PTPRN: variants seen among roughly 807,000 people sequenced by gnomAD.
The protein encoded by PTPRN is protein tyrosine phosphatase receptor type N, also known as receptor-type tyrosine-protein phosphatase-like N.
Under a neutral mutation model 108.5 loss-of-function variants are expected in PTPRN, and 70 were observed. The observed-to-expected ratio is 0.65, with a 90% CI of 0.53 to 0.79. The LOEUF (loss-of-function observed/expected upper bound fraction) is 0.79. Ranked by LOEUF, PTPRN falls within the 30% of genes least tolerant of loss-of-function variation. The pLI, the probability that PTPRN is intolerant of heterozygous loss-of-function variation, is 0.00. For missense variants in PTPRN, 1,136 were observed against 1,295.5 expected, an observed-to-expected ratio of 0.88 and a Z score of 1.89; for synonymous variants, 496 against 524.6, an observed-to-expected ratio of 0.95 and a Z score of 0.75.
At chr2:219,298,585 CTGTAA>C (rs1335210379) in intron 12 of PTPRN, among the ~76,000 whole-genome samples, 1 of 152,172 alleles carries the variant, frequency 6.6e-6, no homozygotes, top group Non-Finnish European at 1.5e-5. Context: ...TGGCAGGCAC[CTGTAA>C]TCCCAGCTAC....
chr2:219,300,208 T>G lies in PTPRN; in HGVS notation c.1213A>C (p.Thr405Pro). 6.2e-7 allele frequency: 1 copy of G among 1,604,904 alleles called. No homozygotes were observed. The highest frequency in any genetic ancestry group is 8.5e-7 in the Non-Finnish European group (1 of 1,174,798). ...GRDTAELPAR[T>P]SPMPGHPTAS... is the part of the protein sequence containing the mutation. ...GTGGGGTGTCCAGGCATGGGGGATG[T>G]GCGGGCTGGAAGCTCTGCTGTGTCT... Residue 405 changes from threonine (T) to proline (P), a missense_variant, in exon 9 of 23, where the codon ACA (threonine) becomes CCA (proline). Coordinates refer to ENST00000295718, the MANE Select transcript of PTPRN (RefSeq NM_002846.4).
In PTPRN at chr2:219,296,476, TGCGTGGCTATGTAGGCTG is replaced by T; in HGVS notation, c.2333_2350del (p.Pro778_Thr783del). 1 of 1,614,168 alleles carries T rather than the reference TGCGTGGCTATGTAGGCTG, an allele frequency of 6.2e-7. No homozygotes were observed. The highest frequency in any genetic ancestry group is 8.5e-7 in the Non-Finnish European group (1 of 1,180,022). ...TGCGATGGTATGGGACAGCGGGCCC[TGCGTGGCTATGTAGGCTG>T]GCATCCGAGGGTCATGCTCAATCTG... On this transcript the variant is annotated inframe_deletion, in exon 17 of 23. Transcript: ENST00000295718. This position sits in a 1 kb window ranked among gnomAD's most constrained non-coding sequence, Gnocchi z 6.0.
At chr2:219,294,913 G>T (rs1050908434) in intron 19 of PTPRN, 62 bp downstream of exon 19, 1 of 1,370,748 alleles carries the variant, frequency 7.3e-7, no homozygotes. Context: ...GCCGAGCGGC[G>T]GGCGGACCCC....
At position 219,291,453 on chromosome 2, in the gene PTPRN, A is replaced by C. The variant is rs1209557971; in HGVS notation, c.2729+17T>G. On this transcript the variant is annotated intron_variant, in intron 20 of 22. Coordinates refer to ENST00000295718, the MANE Select transcript of PTPRN (RefSeq NM_002846.4). ...ACAGGGAGTGGGACCAGAGAGATGA[A>C]TCTCCTCTCCACCCACCTGCAGTGC... 6.2e-7 allele frequency: 1 copy of C among 1,612,342 alleles called. No individual in the cohort carries two copies. Among genetic ancestry groups the C allele is most frequent in the South Asian group, 1.1e-5 (1 of 91,050 alleles).
Position 219,297,193 on chromosome 2 carries a change from C to A in PTPRN, c.2088+40G>T. 1 of 1,610,896 alleles carries A rather than the reference C, an allele frequency of 6.2e-7. No individual in the cohort carries two copies. Among genetic ancestry groups the A allele is most frequent in the Non-Finnish European group, 8.5e-7 (1 of 1,177,850 alleles). On this transcript the variant is annotated intron_variant, in intron 14 of 22. Coordinates refer to ENST00000295718, the MANE Select transcript of PTPRN (RefSeq NM_002846.4). This position sits in a 1 kb window ranked among gnomAD's most constrained non-coding sequence, Gnocchi z 6.0. ...AGCCAGCCTGGCCTCTCTCACCATC[C>A]CATTCCTTCACCCACTCTGGGCCCA...
Position 219,290,477 on chromosome 2 carries a change from G to T in PTPRN, c.2868+61C>A. On this transcript the variant is annotated intron_variant, in intron 22 of 22. Transcript: ENST00000295718. The surrounding 1 kb of genome is among the most constrained non-coding windows in gnomAD (Gnocchi z 4.2). ...GGCAGCTGCTGCTTTCCCTGGGGTG[G>T]CCAAGAAGTGGGTGCTAGGGAAGGG... 1.3e-6 allele frequency: 2 copies of T among 1,489,436 alleles called. No individual in the cohort carries two copies. The highest frequency in any genetic ancestry group is 1.8e-6 in the Non-Finnish European group (2 of 1,092,432). 92.3% of individuals were successfully genotyped at this position (1,489,436 alleles called of 1,614,324 possible).
In PTPRN at chr2:219,307,567, C is replaced by T. The variant is rs1057045503; in HGVS notation, c.167-10G>A. The T allele has an allele frequency of 1.2e-6, 2 of 1,612,220 alleles. No individual in the cohort carries two copies. The highest frequency in any genetic ancestry group is 2.7e-5 in the African/African-American group (2 of 74,878). ...TGCCCAAACAAGCCATCTAAGGGCA[C>T]AAAAGTGGTGTCAGCAGGGGGCTTG... On this transcript the variant is annotated splice_polypyrimidine_tract_variant and intron_variant, in intron 2 of 22. Transcript: ENST00000295718.
intron 19 of PTPRN, among the ~76,000 whole-genome samples, chr2:219,294,366 C>G (rs1413065098): frequency 6.8e-6 from 1 of 147,706 alleles, no homozygotes; most frequent in East Asian, 2.0e-4. Context: ...AAGAGAAGCG[C>G]GGAGAGGGAG....
intron 8 of PTPRN, chr2:219,300,498 G>A (rs1316776685): frequency 2.0e-6 from 1 of 497,950 alleles, no homozygotes; most frequent in Non-Finnish European, 3.5e-6. Context: ...AATGGGGCTG[G>A]AGACAGAAAA....
chr2:219,301,830 A>T (rs1952355555), intron 6 of PTPRN, 111 bp from the exon 7 acceptor site: 2 of 1,300,746 alleles, frequency 1.5e-6, no homozygotes, highest in Non-Finnish European at 2.1e-6. Context: ...GTCTTCCCAG[A>T]CACCAGGACA....
intron 3 of PTPRN, chr2:219,304,109 TA>T (rs1307391444): frequency 1.1e-5 from 3 of 281,294 alleles, no homozygotes; most frequent in African/African-American, 6.7e-5. Context: ...CCCTCATCAA[TA>T]AAATGGGGAT....
Position 219,297,797 on chromosome 2 carries a change from A to T in PTPRN, c.1887+88T>A. Reference sequence around the variant, plus strand: ...TCCCAGGGATGAGGGCTCACTCCCCATTCAGTTCCGACCCTTAGTCCACGC... The same window carrying T: ...TCCCAGGGATGAGGGCTCACTCCCCTTTCAGTTCCGACCCTTAGTCCACGC... On this transcript the variant is annotated intron_variant, in intron 13 of 22. Coordinates refer to ENST00000295718, the MANE Select transcript of PTPRN (RefSeq NM_002846.4). This position sits in a 1 kb window ranked among gnomAD's most constrained non-coding sequence, Gnocchi z 6.0. 1 of 1,430,328 alleles carries T rather than the reference A, an allele frequency of 7.0e-7. No homozygotes were observed. The highest frequency in any genetic ancestry group is 9.5e-7 in the Non-Finnish European group (1 of 1,056,368). 88.6% of individuals were successfully genotyped at this position (1,430,328 alleles called of 1,614,324 possible).
intron 10 of PTPRN, 43 bp from the exon 11 acceptor site, chr2:219,299,427 C>T (rs779371260): frequency 2.8e-5 from 44 of 1,593,160 alleles, no homozygotes; most frequent in Admixed American, 1.3e-4. Flanking sequence ...CACCCCAGAC[C>T]GCAGACTTCA....
rs555026763 is a variant in PTPRN at position 219,299,790 on chromosome 2, G to A, written c.1437-4C>T. On this transcript the variant is annotated splice_polypyrimidine_tract_variant and splice_region_variant and intron_variant, in intron 9 of 22. Coordinates refer to ENST00000295718, the MANE Select transcript of PTPRN (RefSeq NM_002846.4). ...TCCTGCAGCCAGGCTCAGGGGCCTG[G>A]AGATGGGAGAAGGCAGAGGAAGGAA... 18 of 1,604,944 alleles carry A rather than the reference G, an allele frequency of 1.1e-5. No homozygotes were observed. In the African/African-American group the frequency reaches 1.2e-4, roughly 11 times the overall value.
chr2:219,304,491 C>CAA (rs983823983), intron 3 of PTPRN, among the ~76,000 whole-genome samples: 1 of 152,016 alleles, frequency 6.6e-6, no homozygotes, highest in Non-Finnish European at 1.5e-5. Context: ...CTCTTTCCCC[C>CAA]AAAAAAACTC....
At position 219,290,205 on chromosome 2, in the gene PTPRN, C is replaced by A. The variant is rs780687382; in HGVS notation, c.*21G>T. The A allele has an allele frequency of 6.2e-7, 1 of 1,609,600 alleles. No individual in the cohort carries two copies. The highest frequency in any genetic ancestry group is 1.1e-5 in the South Asian group (1 of 90,978). ...CAAAGAGGGACAGAGGCTGGGCTGC[C>A]CGCCAAGGGGCCCCAGGGTCTCACT... On this transcript the variant is annotated 3_prime_UTR_variant, in exon 23 of 23. Coordinates refer to ENST00000295718, the MANE Select transcript of PTPRN (RefSeq NM_002846.4). The surrounding 1 kb of genome is among the most constrained non-coding windows in gnomAD (Gnocchi z 4.2).
intron 1 of PTPRN, among the ~76,000 whole-genome samples, chr2:219,308,636 G>C (rs1952544946): frequency 6.6e-6 from 1 of 151,236 alleles, no homozygotes; most frequent in African/African-American, 2.4e-5. Context: ...AGGCCTGGCT[G>C]TGGGGAGGGG....
At chr2:219,305,784 G>A (rs1324906768) in intron 3 of PTPRN, among the ~76,000 whole-genome samples, 1 of 152,132 alleles carries the variant, frequency 6.6e-6, no homozygotes, top group Non-Finnish European at 1.5e-5. Context: ...CCCCCACCAA[G>A]TTGAACCATT....
Position 219,290,031 on chromosome 2 carries a change from T to C in PTPRN, c.*195A>G, listed in dbSNP as rs1952017424. The C allele has an allele frequency of 1.7e-6, 1 of 604,682 alleles. No individual in the cohort carries two copies. Among genetic ancestry groups the C allele is most frequent in the East Asian group, 2.8e-5 (1 of 35,516 alleles). 37.5% of individuals were successfully genotyped at this position (604,682 alleles called of 1,614,324 possible). ...AGCACCCCCATGGGATGCCCTGGGC[T>C]CTGGGATGCCCCAGGCTCTGGCATG... is the stretch of plus-strand genomic sequence containing the variant. On this transcript the variant is annotated 3_prime_UTR_variant, in exon 23 of 23. Coordinates refer to ENST00000295718, the MANE Select transcript of PTPRN (RefSeq NM_002846.4). This position sits in a 1 kb window ranked among gnomAD's most constrained non-coding sequence, Gnocchi z 4.2.
Sources: allele counts gnomAD v4.1 joint callset (sites outside exome capture counted in the v4.1 genomes callset), GRCh38; gene constraint gnomAD v4.1.1; non-coding constraint Gnocchi (gnomAD v3.1); transcripts MANE v1.5; gene names NCBI Gene and HGNC (gene_info 2026-07-23, HGNC 2026-07-21).